The following MED13 variants were observed in gnomAD, a reference collection of about 807,000 sequenced individuals.
The protein encoded by MED13 is mediator complex subunit 13.
A neutral mutation model predicts 225.2 loss-of-function variants in MED13; 23 were observed. The ratio of observed to expected loss-of-function variants is 0.10; its 90% CI spans 0.07 to 0.14. The LOEUF (loss-of-function observed/expected upper bound fraction) is 0.14. MED13 is among the 10% of genes least tolerant of loss of function. MED13 has a pLI of 1.00. For missense variants in MED13, 2,197 were observed against 2,594.5 expected (o/e 0.85, Z 3.33); for synonymous variants, 942 against 889.2 (o/e 1.06, Z -1.06).
At chr17:62,035,884 A>T (rs1275320717) in intron 3 of MED13, among the ~76,000 whole-genome samples, 1 of 152,194 alleles carries the variant, frequency 6.6e-6, no homozygotes, top group Non-Finnish European at 1.5e-5. Flanking sequence ...CACAAAAATA[A>T]GTTAAAATAG....
At chr17:61,974,019 G>A (rs2080131990) in intron 16 of MED13, among the ~76,000 whole-genome samples, 1 of 151,858 alleles carries the variant, frequency 6.6e-6, no homozygotes. Flanking sequence ...AAAAGTGTAC[G>A]GAACTAGATA....
At chr17:61,951,696 A>G (rs752520694) in intron 27 of MED13, among the ~76,000 whole-genome samples, 29 of 152,162 alleles carry the variant, frequency 1.9e-4, no homozygotes, top group Non-Finnish European at 3.8e-4. Flanking sequence ...AAAGAAGATA[A>G]TTTGCTTAAA....
rs755610959 is a variant in MED13, at chr17:61,968,210, C to T, written c.4016G>A (p.Gly1339Asp). Residue 1339 changes from glycine (G) to aspartate (D), a missense_variant, in exon 18 of 30, where the codon GGT becomes GAT. Transcript: ENST00000397786. The stretch of plus-strand genomic sequence containing the variant: ...AAGCACCAGATAATCATAATCATAA[C>T]CCAACAAAAATGTGGGGATTGGCAG... The part of the protein sequence containing the change: ...EPLPIPTFLL[G>D]YDYDYLVLSP... 6.2e-7 allele frequency: 1 copy of T among 1,614,070 alleles called. No individual in the cohort carries two copies. The highest frequency in any genetic ancestry group is 8.5e-7 in the Non-Finnish European group (1 of 1,179,978).
chr17:61,987,203 G>A (rs979568498), intron 11 of MED13, 75 bp from the exon 12 acceptor site: 10 of 982,928 alleles, frequency 1.0e-5, no homozygotes, highest in Admixed American at 3.0e-5. Context: ...TTGGGAGGCC[G>A]AGGAGGGTGG....
chr17:61,978,274 G>T (rs371237588), intron 16 of MED13, among the ~76,000 whole-genome samples: 1 of 150,956 alleles, frequency 6.6e-6, no homozygotes, highest in Non-Finnish European at 1.5e-5. Flanking sequence ...TTTTCAGACC[G>T]AGTTTCACTC....
intron 9 of MED13, among the ~76,000 whole-genome samples, chr17:62,003,083 T>C (rs1266808015): frequency 6.6e-6 from 1 of 152,096 alleles, no homozygotes; most frequent in Non-Finnish European, 1.5e-5. Flanking sequence ...GGATATAAAA[T>C]TGCCCCAGTT....
At chr17:62,052,834 A>C in intron 2 of MED13, 129 bp from the exon 3 acceptor site, 1 of 529,560 alleles carries the variant, frequency 1.9e-6, no homozygotes, top group Admixed American at 3.9e-5. Flanking sequence ...AGCTACAATC[A>C]CTTCAATGTA....
chr17:61,949,737 G>C (rs981051112), intron 28 of MED13, among the ~76,000 whole-genome samples: 4 of 152,092 alleles, frequency 2.6e-5, no homozygotes, highest in African/African-American at 9.7e-5. Flanking sequence ...ACCCAGGCTG[G>C]AGTGCAGTGG....
At chr17:62,009,375 G>A (rs945161284) in intron 9 of MED13, among the ~76,000 whole-genome samples, 3 of 152,078 alleles carry the variant, frequency 2.0e-5, no homozygotes, top group Non-Finnish European at 1.5e-5. Context: ...CCCAGAGCAT[G>A]CAAATAATAC....
intron 14 of MED13, 72 bp downstream of exon 14, chr17:61,984,579 G>T: frequency 7.5e-7 from 1 of 1,332,622 alleles, no homozygotes. Flanking sequence ...AATAATTTTT[G>T]ACTATAGCAA....
intron 3 of MED13, among the ~76,000 whole-genome samples, chr17:62,039,176 T>C (rs967335821): frequency 6.6e-5 from 10 of 152,330 alleles, no homozygotes; most frequent in Admixed American, 5.9e-4. Context: ...AAAGAATCAC[T>C]ACCTCCTATA....
chr17:61,946,473 G>A lies in MED13; in HGVS notation c.6520C>T (p.Leu2174=), dbSNP rs753227677. 1.9e-6 allele frequency: 3 copies of A among 1,613,086 alleles called. No individual in the cohort carries two copies. The highest frequency in any genetic ancestry group is 2.5e-6 in the Non-Finnish European group (3 of 1,179,412). The change falls in exon 30 of 30, where the codon CTG becomes TTG. Residue 2174 remains leucine, a synonymous_variant. Coordinates refer to ENST00000397786, the MANE Select transcript of MED13 (RefSeq NM_005121.3). ...NQLYNFIMNM[L] ...ACAGTTCCATCAAATGAAGATCACA[G>A]CATATTCATAATAAAGTTATATAAC...
intron 11 of MED13, 43 bp from the exon 12 acceptor site, chr17:61,987,171 C>T (rs184463317): frequency 1.9e-4 from 278 of 1,489,782 alleles, no homozygotes; most frequent in Middle Eastern, 1.2e-3. Context: ...ACTGCTACTA[C>T]TATGCCTGTA....
chr17:61,948,868 C>T (rs1383227881), intron 28 of MED13, among the ~76,000 whole-genome samples: 1 of 151,140 alleles, frequency 6.6e-6, no homozygotes, highest in African/African-American at 2.4e-5. Context: ...GGGCGGATCA[C>T]GAGGTCAGGA....
chr17:62,056,735 A>T (rs1357741896), intron 2 of MED13, among the ~76,000 whole-genome samples: 3 of 152,092 alleles, frequency 2.0e-5, no homozygotes, highest in Non-Finnish European at 4.4e-5. Context: ...AGGCTGAGTG[A>T]GACAAAGTGT....
rs375628356 is a variant in MED13, at chr17:61,984,783, A to G, written c.2559T>C (p.Asn853=). The G allele has an allele frequency of 4.3e-6, 7 of 1,613,492 alleles. No homozygotes were observed. The highest frequency in any genetic ancestry group is 3.3e-5 in the Admixed American group (2 of 60,008). ...HIMGFSPMNM[N]NKEYGSMDTT... ...TATCCATACTACCATATTCTTTATT[A>G]TTCATATTCATTGGGGAAAATCCCA... The change falls in exon 14 of 30, where the codon AAT becomes AAC. Residue 853 remains asparagine (N), a synonymous_variant. Transcript: ENST00000397786.
chr17:61,951,865 A>G (rs935246774), intron 27 of MED13, among the ~76,000 whole-genome samples: 20 of 152,176 alleles, frequency 1.3e-4, no homozygotes, highest in African/African-American at 4.8e-4. Context: ...ATACCTATGC[A>G]TACTACAATA....
intron 12 of MED13, among the ~76,000 whole-genome samples, chr17:61,985,685 A>G (rs926453729): frequency 1.2e-4 from 19 of 152,166 alleles, no homozygotes; most frequent in Non-Finnish European, 2.6e-4. Flanking sequence ...ATAAATAAAA[A>G]TAAGAAAACC....
intron 5 of MED13, chr17:62,032,482 A>G (rs1239283405): frequency 6.6e-6 from 1 of 151,018 alleles, no homozygotes; most frequent in Non-Finnish European, 1.5e-5. Context: ...GTCTCAGGAA[A>G]AAAAAAAAAA....
Sources: gnomAD v4.1 joint callset for allele counts (sites outside exome capture counted in the v4.1 genomes callset) on GRCh38, gnomAD v4.1.1 for gene constraint, MANE v1.5 for transcripts, NCBI Gene and HGNC (gene_info 2026-07-23, HGNC 2026-07-21) for gene names.